OR52N4: variants seen among roughly 807,000 people sequenced by gnomAD.
OR52N4 encodes the protein olfactory receptor 52N4.
Under a neutral mutation model 15.0 loss-of-function variants are expected in OR52N4, and 15 were observed. The ratio of observed to expected loss-of-function variants is 1.00; its 90% CI spans 0.67 to 1.54. OR52N4 has a LOEUF of 1.54. OR52N4 is among the 40% of genes most tolerant of loss of function. The pLI is 0.00. For synonymous variants in OR52N4, 143 were observed against 143.7 expected (o/e 1.00, Z 0.03); for missense variants, 421 against 394.0 (o/e 1.07, Z -0.58).
the OR52N4 span, chr11:5,737,308 T>G: frequency 6.2e-7 from 1 of 1,614,144 alleles, no homozygotes; most frequent in South Asian, 1.1e-5. Flanking sequence ...ACACTATTGT[T>G]GTAGTGATTT....
the OR52N4 span, among the ~76,000 whole-genome samples, chr11:5,742,527 C>T: frequency 3.9e-5 from 6 of 152,152 alleles, no homozygotes; most frequent in Non-Finnish European, 8.8e-5. Context: ...AAGTACTCCT[C>T]AACAGAAATC....
At chr11:5,736,928 C>T in the OR52N4 span, 4 of 1,613,944 alleles carry the variant, frequency 2.5e-6, no homozygotes, top group Admixed American at 1.7e-5. Flanking sequence ...TATTTGTCAC[C>T]CTCTTCGCTA....
the OR52N4 span, among the ~76,000 whole-genome samples, chr11:5,729,114 A>ATATTCTTTTTTTT: frequency 1.2e-5 from 1 of 82,918 alleles, no homozygotes. Flanking sequence ...TTAAATTGAG[A>ATATTCTTTTTTTT]TTTTTTTTTT....
chr11:5,754,575 G>C, intron 1 of OR52N4, 118 bp from the exon 2 acceptor site: 1 of 592,022 alleles, frequency 1.7e-6, no homozygotes, highest in Non-Finnish European at 2.8e-6. Flanking sequence ...TTATTTCTTG[G>C]CACTCAGAAA....
Position 5,754,805 on chromosome 11 carries a change from T to C in OR52N4, c.65T>C (p.Leu22Pro). The part of the protein sequence containing the change: ...ASFILNGVPG[L>P]EDTQLWISFP... ...TTTATTCTGAATGGAGTCCCAGGAC[T>C]GGAAGACACACAACTCTGGATTTCC... Residue 22 changes from leucine (L) to proline (P), a missense_variant, in exon 2 of 2, where the codon CTG (leucine) becomes CCG (proline). Leu to Pro is a moderately conservative substitution (Grantham distance 98, BLOSUM62 -3). Coordinates refer to ENST00000641350, the MANE Select transcript of OR52N4 (RefSeq NM_001005175.5). 1 of 1,613,702 alleles carries C rather than the reference T, an allele frequency of 6.2e-7. No homozygotes were observed. Among genetic ancestry groups the C allele is most frequent in the Non-Finnish European group, 8.5e-7 (1 of 1,179,704 alleles).
At chr11:5,731,601 A>G in the OR52N4 span, among the ~76,000 whole-genome samples, 1 of 152,166 alleles carries the variant, frequency 6.6e-6, no homozygotes, top group Non-Finnish European at 1.5e-5. Context: ...ACTAAACATA[A>G]CAAATGTATT....
the OR52N4 span, chr11:5,736,898 G>T: frequency 1.2e-6 from 2 of 1,613,838 alleles, no homozygotes; most frequent in Non-Finnish European, 1.7e-6. Flanking sequence ...ACTCTGCATG[G>T]CTTTTGATAG....
At chr11:5,736,571 T>A in the OR52N4 span, 1 of 1,613,986 alleles carries the variant, frequency 6.2e-7, no homozygotes, top group East Asian at 2.2e-5. Flanking sequence ...ATTCCAGGTC[T>A]CTGAGTTCAT....
the OR52N4 span, chr11:5,736,715 C>A: frequency 3.1e-6 from 5 of 1,613,950 alleles, no homozygotes; most frequent in Admixed American, 1.7e-5. Context: ...TTTACAGCAG[C>A]CCATGTATAT....
the OR52N4 span, chr11:5,737,393 C>T: frequency 2.5e-6 from 4 of 1,613,972 alleles, no homozygotes; most frequent in Admixed American, 3.3e-5. Context: ...CATCATCCCC[C>T]CTTCCCTCAA....
At chr11:5,740,337 T>G in the OR52N4 span, among the ~76,000 whole-genome samples, 1 of 127,436 alleles carries the variant, frequency 7.8e-6, no homozygotes, top group African/African-American at 2.8e-5. Flanking sequence ...GCAGGAAAGA[T>G]AGTGGAGTCG....
the OR52N4 span, among the ~76,000 whole-genome samples, chr11:5,733,610 C>A: frequency 1.3e-5 from 2 of 151,992 alleles, no homozygotes; most frequent in South Asian, 2.1e-4. Context: ...TATATATTTG[C>A]TTGATTTTGT....
chr11:5,749,471 G>C (rs2134210066), upstream of OR52N4, among the ~76,000 whole-genome samples: 1 of 152,064 alleles, frequency 6.6e-6, no homozygotes, highest in Non-Finnish European at 1.5e-5. Flanking sequence ...GTATTTCTCT[G>C]TTTAAATGGG....
rs771108808 is a variant in OR52N4 at position 5,755,195 on chromosome 11, T to A, written c.455T>A (p.Leu152Gln). Residue 152 changes from leucine to glutamine, a missense_variant, in exon 2 of 2, where the codon CTG becomes CAG. By Grantham distance (113) the Leu-to-Gln change is moderately radical. Coordinates refer to ENST00000641350, the MANE Select transcript of OR52N4 (RefSeq NM_001005175.5). ...GCAAAGGTTGGGACTGCCACCTTCC[T>A]GAGAGGGGTATTACTCATTATTCCC... ...VIAKVGTATF[L>Q]RGVLLIIPFT... 6.2e-7 allele frequency: 1 copy of A among 1,613,952 alleles called. No homozygotes were observed. The highest frequency in any genetic ancestry group is 1.3e-5 in the African/African-American group (1 of 74,910).
At chr11:5,743,835 GAAC>G in the OR52N4 span, among the ~76,000 whole-genome samples, 5 of 151,862 alleles carry the variant, frequency 3.3e-5, no homozygotes, top group South Asian at 1.0e-3. Flanking sequence ...AGACAAATAA[GAAC>G]AACTAAAACC....
At chr11:5,728,393 G>A in the OR52N4 span, among the ~76,000 whole-genome samples, 1 of 152,182 alleles carries the variant, frequency 6.6e-6, no homozygotes, top group Non-Finnish European at 1.5e-5. Flanking sequence ...TCCATGTGGT[G>A]ATGGAAAGTT....
chr11:5,731,166 G>T, the OR52N4 span, among the ~76,000 whole-genome samples: 1 of 152,138 alleles, frequency 6.6e-6, no homozygotes, highest in Non-Finnish European at 1.5e-5. Flanking sequence ...AGTGAGCACT[G>T]GACTAATGGA....
chr11:5,736,411 A>G, the OR52N4 span: 463 of 907,602 alleles, frequency 5.1e-4, 3 homozygotes, highest in East Asian at 9.8e-3. Context: ...ATTTCTAAAG[A>G]GATGAAGAAA....
At chr11:5,730,189 ATT>A in the OR52N4 span, among the ~76,000 whole-genome samples, 5,860 of 110,138 alleles carry the variant, frequency 0.053, 96 homozygotes, top group Middle Eastern at 0.11. Flanking sequence ...AGCAGTAACC[ATT>A]TTTTTTTTTT....
Sources: gnomAD v4.1 joint callset for allele counts (sites outside exome capture counted in the v4.1 genomes callset) on GRCh38, gnomAD v4.1.1 for gene constraint, MANE v1.5 for transcripts, NCBI Gene and HGNC (gene_info 2026-07-23, HGNC 2026-07-21) for gene names.